Variants in FREM3 observed in about 807,000 individuals in gnomAD.
FREM3 encodes the protein FRAS1 related extracellular matrix 3, also known as FRAS1-related extracellular matrix protein 3.
FREM3 carries 105 observed loss-of-function variants against 129.1 expected under a neutral mutation model. The observed-to-expected ratio is 0.81, with a 90% CI of 0.69 to 0.96. FREM3 has a LOEUF of 0.96. Among genes scored for constraint, FREM3 ranks in the 40% least tolerant of loss-of-function variants. The pLI is 0.00. For synonymous variants in FREM3, 1,014 were observed against 1,044.9 expected (o/e 0.97, Z 0.57); for missense variants, 2,593 against 2,666.3 (o/e 0.97, Z 0.61).
At chr4:143,624,583 T>G (rs1739012932) in intron 3 of FREM3, among the ~76,000 whole-genome samples, 1 of 152,152 alleles carries the variant, frequency 6.6e-6, no homozygotes, top group Non-Finnish European at 1.5e-5. Flanking sequence ...AGCAATCTTA[T>G]TTAACTTATT....
At chr4:143,693,086 C>T (rs1217426399) in intron 2 of FREM3, 27 bp downstream of exon 2, 8 of 1,177,536 alleles carry the variant, frequency 6.8e-6, no homozygotes, top group Non-Finnish European at 8.1e-6. Context: ...AACCATGAAT[C>T]CTTTTGAAGG....
At chr4:143,580,656 G>A (rs556527717) in intron 7 of FREM3, among the ~76,000 whole-genome samples, 3 of 152,252 alleles carry the variant, frequency 2.0e-5, no homozygotes, top group South Asian at 4.1e-4. Context: ...ACTAAACAAA[G>A]CCCACTGGCC....
chr4:143,655,963 C>T (rs902320669), intron 2 of FREM3, among the ~76,000 whole-genome samples: 2 of 152,144 alleles, frequency 1.3e-5, no homozygotes, highest in Non-Finnish European at 2.9e-5. Context: ...AGCTCATAGG[C>T]ATAACCCCTG....
intron 2 of FREM3, 95 bp downstream of exon 2, chr4:143,693,018 G>A: frequency 1.9e-6 from 1 of 516,392 alleles, no homozygotes; most frequent in South Asian, 3.7e-5. Flanking sequence ...CTTACATGAT[G>A]CCTATACTTG....
intron 6 of FREM3, among the ~76,000 whole-genome samples, chr4:143,599,836 G>A (rs1738542603): frequency 1.3e-5 from 2 of 152,168 alleles, no homozygotes; most frequent in Non-Finnish European, 2.9e-5. Flanking sequence ...GGAGACCAGG[G>A]TCTTGTTGAT....
intron 7 of FREM3, among the ~76,000 whole-genome samples, chr4:143,581,369 T>G (rs1738139417): frequency 1.4e-5 from 2 of 145,898 alleles, no homozygotes; most frequent in Admixed American, 1.4e-4. Context: ...AAAGGGCTGG[T>G]CAAGTCACTG....
At chr4:143,621,306 G>A (rs1738947875) in intron 4 of FREM3, 144 bp from the exon 5 acceptor site, 2 of 817,502 alleles carry the variant, frequency 2.4e-6, no homozygotes, top group East Asian at 5.5e-5. Flanking sequence ...AGAATGGGAA[G>A]CATTATTTAT....
intron 2 of FREM3, among the ~76,000 whole-genome samples, chr4:143,684,561 C>A (rs571378753): frequency 6.6e-6 from 1 of 152,170 alleles, no homozygotes; most frequent in African/African-American, 2.4e-5. Context: ...GAGAAGGAAC[C>A]AGAAAACCAA....
chr4:143,653,082 A>G (rs568126795), intron 2 of FREM3, among the ~76,000 whole-genome samples: 2 of 152,312 alleles, frequency 1.3e-5, no homozygotes, highest in South Asian at 4.1e-4. Flanking sequence ...CACAAACACA[A>G]ATGGCTCTGA....
chr4:143,636,242 C>T (rs1485695229), intron 2 of FREM3, among the ~76,000 whole-genome samples: 1 of 148,902 alleles, frequency 6.7e-6, no homozygotes, highest in African/African-American at 2.5e-5. Context: ...AACATATAAC[C>T]TCATACTGGG....
chr4:143,642,321 G>A (rs532459582), intron 2 of FREM3, among the ~76,000 whole-genome samples: 4 of 152,022 alleles, frequency 2.6e-5, no homozygotes, highest in East Asian at 1.9e-4. Context: ...TTTATATAGC[G>A]AGTAGCCAAA....
At chr4:143,620,496 A>C (rs1738927265) in intron 5 of FREM3, among the ~76,000 whole-genome samples, 1 of 152,202 alleles carries the variant, frequency 6.6e-6, no homozygotes, top group African/African-American at 2.4e-5. Context: ...GAGACAGCTA[A>C]ATCTGGCTGT....
rs1443202149 is a variant in FREM3 at position 143,697,115 on chromosome 4, T to C, written c.3561A>G (p.Leu1187=). 2.1e-5 allele frequency: 32 copies of C among 1,537,588 alleles called. No individual in the cohort carries two copies. The highest frequency in any genetic ancestry group is 2.5e-5 in the Non-Finnish European group (29 of 1,147,020). ...SPNVFFPIII[L]PTNDEQPKLF... ...GTTTAGGCTGCTCATCATTGGTGGG[T>C]AGGATGATTATAGGGAAGAAGACAT... The change falls in exon 1 of 8, where the codon CTA becomes CTG. Residue 1187 remains leucine (L), a synonymous_variant. Coordinates refer to ENST00000329798, the MANE Select transcript of FREM3 (RefSeq NM_001168235.2).
chr4:143,617,334 A>T (rs1013092844), intron 5 of FREM3, among the ~76,000 whole-genome samples: 2 of 152,126 alleles, frequency 1.3e-5, no homozygotes, highest in African/African-American at 4.8e-5. Flanking sequence ...TCTAGTATAT[A>T]GAGACCAGGG....
rs1279305478 is a variant in FREM3 at position 143,684,024 on chromosome 4, C to T, written c.5275+9089G>A. 2.6e-5 allele frequency among the ~76,000 whole-genome samples: 4 copies of T among 152,278 alleles called. No homozygotes were observed. The South Asian group carries it at 6.2e-4, about 24-fold the overall frequency. On this transcript the variant is annotated intron_variant, in intron 2 of 7. Transcript: ENST00000329798. ...AAGACCCACCCAAGGAAAGTCTGAG[C>T]TTTGACACACCTAGCCCCTCCCTCA...
At chr4:143,653,351 A>G (rs546810327) in intron 2 of FREM3, among the ~76,000 whole-genome samples, 32 of 152,342 alleles carry the variant, frequency 2.1e-4, no homozygotes, top group African/African-American at 7.7e-4. Context: ...ACTTGTGGTC[A>G]TTCAACAGCT....
intron 2 of FREM3, among the ~76,000 whole-genome samples, chr4:143,692,098 T>A (rs1233600429): frequency 6.6e-6 from 1 of 152,156 alleles, no homozygotes; most frequent in African/African-American, 2.4e-5. Flanking sequence ...TAAATTAATT[T>A]TTTTTAAAAA....
At chr4:143,583,130 A>G (rs2149832993) in intron 7 of FREM3, among the ~76,000 whole-genome samples, 1 of 152,186 alleles carries the variant, frequency 6.6e-6, no homozygotes, top group South Asian at 2.1e-4. Context: ...AGGCCTCCAA[A>G]AGTGCTAGGA....
intron 1 of FREM3, among the ~76,000 whole-genome samples, chr4:143,694,731 T>A (rs1452461665): frequency 6.6e-6 from 1 of 152,250 alleles, no homozygotes; most frequent in Non-Finnish European, 1.5e-5. Flanking sequence ...GAACCACATA[T>A]GATTTCATTT....
Sources: gnomAD v4.1 joint callset for allele counts (sites outside exome capture counted in the v4.1 genomes callset) on GRCh38, gnomAD v4.1.1 for gene constraint, MANE v1.5 for transcripts, NCBI Gene and HGNC (gene_info 2026-07-23, HGNC 2026-07-21) for gene names.